Variants in RHOBTB3 observed in about 807,000 individuals in gnomAD.
The protein encoded by RHOBTB3 is Rho related BTB domain containing 3.
In RHOBTB3, 47 loss-of-function variants were observed where a neutral mutation model predicts 67.2. That is an observed-to-expected ratio of 0.70 (90% CI 0.55 to 0.89). The LOEUF (loss-of-function observed/expected upper bound fraction) is 0.89, where lower values mean the gene tolerates loss of function less well. Ranked by LOEUF, RHOBTB3 falls within the 40% of genes least tolerant of loss-of-function variation. The pLI is 0.00. For missense variants in RHOBTB3, 631 were observed against 750.0 expected (o/e 0.84, Z 1.85); for synonymous variants, 273 against 274.2 (o/e 1.00, Z 0.04).
chr5:95,759,215 T>C (rs1745327639), intron 6 of RHOBTB3, among the ~76,000 whole-genome samples: 1 of 152,230 alleles, frequency 6.6e-6, no homozygotes, highest in Non-Finnish European at 1.5e-5. Context: ...CCATTTCGGC[T>C]GTGATCTCTC....
chr5:95,754,090 TC>T (rs1370679573), intron 5 of RHOBTB3, among the ~76,000 whole-genome samples: 1 of 151,750 alleles, frequency 6.6e-6, no homozygotes, highest in African/African-American at 2.4e-5. Flanking sequence ...AGACTCTGTC[TC>T]AAAAAAAAAG....
intron 7 of RHOBTB3, 101 bp downstream of exon 7, chr5:95,763,721 G>A: frequency 3.1e-6 from 2 of 641,070 alleles, no homozygotes; most frequent in South Asian, 2.0e-5. Context: ...GTCAAATACT[G>A]TATAAATGTA....
At chr5:95,729,694 C>T (rs1480533548), upstream of RHOBTB3, among the ~76,000 whole-genome samples, 1 of 152,148 alleles carries the variant, frequency 6.6e-6, no homozygotes, top group South Asian at 2.1e-4. Context: ...TCTCCCCAGC[C>T]CCTGGTAACC....
At chr5:95,775,922 A>C (rs1745862819) in intron 8 of RHOBTB3, among the ~76,000 whole-genome samples, 1 of 152,206 alleles carries the variant, frequency 6.6e-6, no homozygotes, top group African/African-American at 2.4e-5. Context: ...TTTTTAAGTT[A>C]CAGTGAAGTC....
chr5:95,786,516 T>G (rs1580431057), intron 10 of RHOBTB3, among the ~76,000 whole-genome samples: 1 of 152,210 alleles, frequency 6.6e-6, no homozygotes, highest in East Asian at 1.9e-4. Flanking sequence ...AATACAAGAG[T>G]TGAGGTGGAG....
Position 95,793,325 on chromosome 5 carries a change from A to G in RHOBTB3, c.*151A>G, listed in dbSNP as rs1746476556. ...ATGTTTATTAGTTCTCTTTGGAAAA[A>G]AACTACCACTGTGGTCTTAAAAGGG... On this transcript the variant is annotated 3_prime_UTR_variant, in exon 12 of 12. Coordinates refer to ENST00000379982, the MANE Select transcript of RHOBTB3 (RefSeq NM_014899.4). 7.6e-6 allele frequency: 4 copies of G among 523,102 alleles called. No individual in the cohort carries two copies. Among genetic ancestry groups the G allele is most frequent in the Non-Finnish European group, 1.0e-5 (3 of 297,208 alleles). The allele number at this position is 523,102 out of a possible 1,614,324, so 32.4% of individuals were successfully genotyped here.
Position 95,794,214 on chromosome 5 carries a change from T to C in RHOBTB3, c.*1040T>C, listed in dbSNP as rs1457313767. 3.3e-6 allele frequency: 1 copy of C among 300,488 alleles called. No homozygotes were observed. The highest frequency in any genetic ancestry group is 6.6e-6 in the Non-Finnish European group (1 of 150,732). 18.6% of individuals were successfully genotyped at this position (300,488 alleles called of 1,614,324 possible). A position where few individuals can be genotyped will look rare whatever the true frequency, so the allele number is the denominator to read the frequency against. On this transcript the variant is annotated 3_prime_UTR_variant, in exon 12 of 12. Coordinates refer to ENST00000379982, the MANE Select transcript of RHOBTB3 (RefSeq NM_014899.4). ...TGCTCTATCATAGATGAACAAATAC[T>C]TTCTTGATCATTCTGTAAGACCAGG...
intron 6 of RHOBTB3, among the ~76,000 whole-genome samples, chr5:95,759,484 TAAGAG>T (rs1029491615): frequency 7.9e-5 from 12 of 152,178 alleles, no homozygotes; most frequent in African/African-American, 2.9e-4. Flanking sequence ...TGCTGAAAAT[TAAGAG>T]AAAAAAATTT....
chr5:95,767,343 T>C (rs965947138), intron 7 of RHOBTB3, among the ~76,000 whole-genome samples: 1 of 35,808 alleles, frequency 2.8e-5, no homozygotes, highest in Non-Finnish European at 7.4e-5. Context: ...TTTTTCTTTC[T>C]TTTTTTTTTT....
In RHOBTB3 at chr5:95,732,061, G is replaced by A; in HGVS notation, c.205G>A (p.Val69Met). 1 of 1,614,228 alleles carries A rather than the reference G, an allele frequency of 6.2e-7. No individual in the cohort carries two copies. Among genetic ancestry groups the A allele is most frequent in the Non-Finnish European group, 8.5e-7 (1 of 1,180,038 alleles). The change falls in exon 2 of 12, where the codon GTG becomes ATG. Residue 69 changes from valine (V) to methionine (M), a missense_variant. Coordinates refer to ENST00000379982, the MANE Select transcript of RHOBTB3 (RefSeq NM_014899.4). Reference sequence around the variant, plus strand: ...CAGTGCGTTTGGGAATGTCAAGCTGGTGGTCCACGACTGTCCCGTCTGGGT... The same window carrying A: ...CAGTGCGTTTGGGAATGTCAAGCTGATGGTCCACGACTGTCCCGTCTGGGT... ...QASAFGNVKL[V>M]VHDCPVWDIF...
chr5:95,786,729 G>A lies in RHOBTB3; in HGVS notation c.1624-2033G>A, dbSNP rs373639572. On this transcript the variant is annotated intron_variant, in intron 10 of 11. Coordinates refer to ENST00000379982, the MANE Select transcript of RHOBTB3 (RefSeq NM_014899.4). Reference sequence around the variant, plus strand: ...GTGAGTTTATGGGTATTTTCTCCACGTTCTTCTTGTAGCTCTTAAGTTCTA... The same window carrying A: ...GTGAGTTTATGGGTATTTTCTCCACATTCTTCTTGTAGCTCTTAAGTTCTA... Among the ~76,000 whole-genome samples the A allele has an allele frequency of 9.2e-5, 14 of 152,190 alleles. No homozygotes were observed. In the South Asian group the frequency reaches 1.2e-3, roughly 14 times the overall value.
rs1211674162 is a variant in RHOBTB3 at position 95,737,089 on chromosome 5, A to G, written c.415+14A>G. On this transcript the variant is annotated intron_variant, in intron 3 of 11. Transcript: ENST00000379982. ...CCAGACAAAATGGTAAGTATTTAAT[A>G]TTCTTTTTTGTAGTGAGCATGCAAA... 6.7e-7 allele frequency: 1 copy of G among 1,495,022 alleles called. No homozygotes were observed. Among genetic ancestry groups the G allele is most frequent in the South Asian group, 1.2e-5 (1 of 85,250 alleles). The allele number at this position is 1,495,022 out of a possible 1,614,324, so 92.6% of individuals were successfully genotyped here.
At chr5:95,746,462 A>C (rs1476872322) in intron 3 of RHOBTB3, among the ~76,000 whole-genome samples, 2 of 152,122 alleles carry the variant, frequency 1.3e-5, no homozygotes, top group African/African-American at 4.8e-5. Flanking sequence ...TGAAATACCA[A>C]CATGTTATTT....
chr5:95,769,263 A>G, intron 8 of RHOBTB3: 1 of 405,608 alleles, frequency 2.5e-6, no homozygotes, highest in African/African-American at 2.1e-5. Flanking sequence ...ATAAATGTAA[A>G]AATATTGGAG....
intron 8 of RHOBTB3, among the ~76,000 whole-genome samples, chr5:95,773,156 A>T (rs1453938656): frequency 6.6e-6 from 1 of 152,214 alleles, no homozygotes; most frequent in Non-Finnish European, 1.5e-5. Flanking sequence ...ATAAGCAGTG[A>T]TGTGGTGAAT....
chr5:95,764,389 G>A (rs1257908489), intron 7 of RHOBTB3, among the ~76,000 whole-genome samples: 1 of 152,146 alleles, frequency 6.6e-6, no homozygotes, highest in Non-Finnish European at 1.5e-5. Flanking sequence ...ATTCAACGAG[G>A]TGGACAGTTA....
chr5:95,749,494 A>G (rs1198633934), intron 4 of RHOBTB3, among the ~76,000 whole-genome samples: 1 of 152,248 alleles, frequency 6.6e-6, no homozygotes, highest in Non-Finnish European at 1.5e-5. Context: ...TACAATGTTA[A>G]AGAAGATATA....
chr5:95,764,870 A>AT (rs569063999), intron 7 of RHOBTB3, among the ~76,000 whole-genome samples: 67 of 146,478 alleles, frequency 4.6e-4, no homozygotes, highest in South Asian at 8.7e-4. Context: ...AAGGGGTAAG[A>AT]TTTTTTTTTT....
chr5:95,749,462 TA>T lies in RHOBTB3; in HGVS notation c.570+977del, dbSNP rs1280430031. Among the ~76,000 whole-genome samples, 3 of 152,220 alleles carry T rather than the reference TA, an allele frequency of 2.0e-5. No individual in the cohort carries two copies. In the East Asian group the frequency reaches 5.8e-4, roughly 29 times the overall value. On this transcript the variant is annotated intron_variant, in intron 4 of 11. Coordinates refer to ENST00000379982, the MANE Select transcript of RHOBTB3 (RefSeq NM_014899.4). ...ATATAAATGGCTTTTATTCACCCAA[TA>T]ATATAAAGAAACATTAATATTACAA...
Sources: gnomAD v4.1 joint callset for allele counts (sites outside exome capture counted in the v4.1 genomes callset) on GRCh38, gnomAD v4.1.1 for gene constraint, MANE v1.5 for transcripts, NCBI Gene and HGNC (gene_info 2026-07-23, HGNC 2026-07-21) for gene names.